Variants in RHEX observed in about 807,000 individuals in gnomAD.
The protein encoded by RHEX is regulator of hemoglobinization and erythroid cell expansion protein.
Under a neutral mutation model 20.1 loss-of-function variants are expected in RHEX, and 18 were observed. The observed-to-expected ratio is 0.90, with a 90% CI of 0.62 to 1.33. RHEX has a LOEUF of 1.33. Ranked by LOEUF, RHEX falls within the 40% of genes most tolerant of loss-of-function variation. The probability of loss-of-function intolerance (pLI) is 0.00; values close to 1 mark genes in which losing one functional copy is unlikely to be tolerated. For missense variants in RHEX, 192 were observed against 214.3 expected (o/e 0.90, Z 0.65); for synonymous variants, 87 against 77.1 (o/e 1.13, Z -0.67).
chr1:206,090,844 CTAATA>C (rs1553286950), intron 1 of RHEX, among the ~76,000 whole-genome samples: 1 of 151,886 alleles, frequency 6.6e-6, no homozygotes, highest in African/African-American at 2.4e-5. Context: ...ATGTCTGTTG[CTAATA>C]TAATAGTAAG....
At chr1:206,057,403 G>T (rs1472775099) in intron 1 of RHEX, among the ~76,000 whole-genome samples, 12 of 152,346 alleles carry the variant, frequency 7.9e-5, no homozygotes, top group African/African-American at 2.4e-4. Flanking sequence ...AGAAGGAAAA[G>T]GATTTACTCA....
chr1:206,075,252 G>T (rs564924145), intron 1 of RHEX, among the ~76,000 whole-genome samples: 2 of 152,318 alleles, frequency 1.3e-5, no homozygotes, highest in East Asian at 3.9e-4. Flanking sequence ...AGGATAAACT[G>T]TTGGAGTCCT....
intron 1 of RHEX, among the ~76,000 whole-genome samples, chr1:206,054,315 C>CA (rs1182496681): frequency 6.6e-6 from 1 of 152,038 alleles, no homozygotes; most frequent in Non-Finnish European, 1.5e-5. Flanking sequence ...AAAATTTATG[C>CA]AAAAAATGTT....
intron 1 of RHEX, among the ~76,000 whole-genome samples, chr1:206,074,540 C>T (rs1467062345): frequency 3.9e-5 from 6 of 152,166 alleles, no homozygotes; most frequent in Non-Finnish European, 8.8e-5. Flanking sequence ...TGCACAGTTC[C>T]GTGGTTTTTA....
Position 206,063,809 on chromosome 1 carries a change from G to T in RHEX, c.-97+10544G>T, listed in dbSNP as rs1190850307. The stretch of plus-strand genomic sequence containing the variant: ...CCGAGATTGCAGCCTCTGCCCGGCC[G>T]CCACCCCGTCTGGGAAGTGAGGAGC... On this transcript the variant is annotated intron_variant, in intron 1 of 5. Transcript: ENST00000331555. Among the ~76,000 whole-genome samples, 3 of 151,956 alleles carry T rather than the reference G, an allele frequency of 2.0e-5. No homozygotes were observed. In the East Asian group the frequency reaches 5.8e-4, roughly 29 times the overall value.
At position 206,067,565 on chromosome 1, in the gene RHEX, C is replaced by T. The variant is rs1193642353; in HGVS notation, c.-97+14300C>T. On this transcript the variant is annotated intron_variant, in intron 1 of 5. Transcript: ENST00000331555. This position sits in a 1 kb window ranked among gnomAD's most constrained non-coding sequence, Gnocchi z 4.6. ...GTGGATTCCTAATAAGATAAGTGAG[C>T]AACAACTTGGAGGGGGCCCCAGGTG... Among the ~76,000 whole-genome samples the T allele has an allele frequency of 2.0e-5, 3 of 152,144 alleles. No homozygotes were observed. Among genetic ancestry groups the T allele is most frequent in the Non-Finnish European group, 4.4e-5 (3 of 68,012 alleles).
rs191070846 is a variant in RHEX at position 206,078,323 on chromosome 1, T to G, written c.-96-19410T>G. ...GGGAGGCCGAGGCAGGAGGATCCCT[T>G]GAGCCCAGGACTTTGAGACCAGCTT... On this transcript the variant is annotated intron_variant, in intron 1 of 5. Transcript: ENST00000331555. Among the ~76,000 whole-genome samples the G allele has an allele frequency of 4.4e-3, 677 of 152,266 alleles. 6 individuals carry two copies. The highest frequency in any genetic ancestry group is 0.015 in the African/African-American group (630 of 41,568).
intron 1 of RHEX, among the ~76,000 whole-genome samples, chr1:206,084,146 A>C (rs1320599352): frequency 6.6e-6 from 1 of 152,186 alleles, no homozygotes; most frequent in Non-Finnish European, 1.5e-5. Flanking sequence ...TCCTATAGGA[A>C]TGTTTTCCCT....
intron 1 of RHEX, among the ~76,000 whole-genome samples, chr1:206,071,219 A>G (rs1372125358): frequency 1.3e-5 from 2 of 152,196 alleles, no homozygotes; most frequent in Non-Finnish European, 2.9e-5. Flanking sequence ...CTTGGAGTCT[A>G]ATGTTCAAGG....
At chr1:206,076,999 C>T (rs949384688) in intron 1 of RHEX, among the ~76,000 whole-genome samples, 4 of 152,154 alleles carry the variant, frequency 2.6e-5, no homozygotes, top group Non-Finnish European at 4.4e-5. Flanking sequence ...AGTATGTGCT[C>T]GACACATGTT....
rs76616915 is a variant in RHEX at position 206,076,157 on chromosome 1, CT to C, written c.-96-21564del. Among the ~76,000 whole-genome samples the C allele has an allele frequency of 4.2e-3, 601 of 142,518 alleles. 1 individual carries two copies. The highest frequency in any genetic ancestry group is 7.0e-3 in the African/African-American group (275 of 39,136). The allele number at this position is 142,518 out of a possible 152,430, so 93.5% of individuals were successfully genotyped here. A position where few individuals can be genotyped will look rare whatever the true frequency, so the allele number is the denominator to read the frequency against. On this transcript the variant is annotated intron_variant, in intron 1 of 5. Coordinates refer to ENST00000331555, the MANE Select transcript of RHEX (RefSeq NM_001007544.4). ...AAAAAAACATGGATCACCAGGGAGT[CT>C]TTTTTTTTTTTAATGAGACAGGGTT...
intron 1 of RHEX, among the ~76,000 whole-genome samples, chr1:206,094,169 G>GGTGTGTGTGTGTGTGTGTGT (rs66885504): frequency 3.4e-4 from 50 of 148,682 alleles, no homozygotes; most frequent in African/African-American, 1.2e-3. Flanking sequence ...CTGGTTATTT[G>GGTGTGTGTGTGTGTGTGTGT]GTGTGTGTGT....
intron 1 of RHEX, among the ~76,000 whole-genome samples, chr1:206,090,399 G>T (rs1219481544): frequency 6.6e-6 from 1 of 151,548 alleles, no homozygotes; most frequent in Admixed American, 6.6e-5. Flanking sequence ...ATAGAGACAG[G>T]TTTCACCATC....
intron 1 of RHEX, among the ~76,000 whole-genome samples, chr1:206,074,588 C>T (rs953106419): frequency 9.9e-5 from 15 of 152,148 alleles, no homozygotes; most frequent in Non-Finnish European, 1.6e-4. Flanking sequence ...CACTGTTGTG[C>T]GCCACCATCA....
intron 1 of RHEX, among the ~76,000 whole-genome samples, chr1:206,054,677 T>C (rs1302514726): frequency 6.6e-6 from 1 of 152,282 alleles, no homozygotes; most frequent in Non-Finnish European, 1.5e-5. Flanking sequence ...AAAGAGTCTA[T>C]AAAATCTTAC....
intron 1 of RHEX, among the ~76,000 whole-genome samples, chr1:206,092,034 CTCTT>C (rs564821970): frequency 5.2e-4 from 79 of 151,234 alleles, no homozygotes; most frequent in African/African-American, 1.9e-3. Flanking sequence ...TTATTTATTT[CTCTT>C]TCTTTCTCTC....
intron 1 of RHEX, among the ~76,000 whole-genome samples, chr1:206,071,094 G>A (rs1302338146): frequency 6.6e-6 from 1 of 152,178 alleles, no homozygotes; most frequent in Admixed American, 6.5e-5. Flanking sequence ...GCCAGCCGGA[G>A]TCCCAAAACC....
At chr1:206,061,839 C>T (rs1210994624) in intron 1 of RHEX, 1 of 152,076 alleles carries the variant, frequency 6.6e-6, no homozygotes, top group African/African-American at 2.4e-5. Flanking sequence ...TAATGAGATG[C>T]TCAGAGTGGG....
chr1:206,094,929 A>C (rs1220718044), intron 1 of RHEX, among the ~76,000 whole-genome samples: 4 of 152,218 alleles, frequency 2.6e-5, no homozygotes, highest in African/African-American at 9.6e-5. Context: ...AACATATATC[A>C]AATTCAGTGA....
Sources: allele counts gnomAD v4.1 joint callset (sites outside exome capture counted in the v4.1 genomes callset), GRCh38; gene constraint gnomAD v4.1.1; non-coding constraint Gnocchi (gnomAD v3.1); transcripts MANE v1.5; gene names NCBI Gene and HGNC (gene_info 2026-07-23, HGNC 2026-07-21).